The following CCDC7 variants were observed in gnomAD, a reference collection of about 807,000 sequenced individuals.
CCDC7 encodes coiled-coil domain containing 7, also known as coiled-coil domain-containing protein 7.
Under a neutral mutation model 196.9 loss-of-function variants are expected in CCDC7, and 183 were observed. The ratio of observed to expected loss-of-function variants is 0.93; its 90% CI spans 0.82 to 1.05. The LOEUF is 1.05. CCDC7 is among the 50% of genes least tolerant of loss of function. The pLI is 0.00. For synonymous variants in CCDC7, 525 were observed against 484.6 expected (o/e 1.08, Z -1.10); for missense variants, 1,540 against 1,482.2 (o/e 1.04, Z -0.64).
At chr10:32,594,552 G>A (rs1291293084) in intron 18 of CCDC7, among the ~76,000 whole-genome samples, 5 of 152,060 alleles carry the variant, frequency 3.3e-5, no homozygotes, top group African/African-American at 4.8e-5. Flanking sequence ...TCTTTCTCTT[G>A]CCTGATTGCC....
chr10:32,505,810 G>C (rs1444138671), intron 9 of CCDC7, among the ~76,000 whole-genome samples: 1 of 146,766 alleles, frequency 6.8e-6, no homozygotes, highest in African/African-American at 2.5e-5. Context: ...ATGGGTGGCT[G>C]GGCAGAGGCT....
intron 33 of CCDC7, among the ~76,000 whole-genome samples, chr10:32,844,473 C>T (rs1050355433): frequency 7.9e-5 from 12 of 151,806 alleles, no homozygotes; most frequent in African/African-American, 2.9e-4. Context: ...AAGTACTTTG[C>T]CCCACATAAC....
intron 29 of CCDC7, among the ~76,000 whole-genome samples, chr10:32,783,130 AG>A (rs749396549): frequency 2.0e-5 from 3 of 152,240 alleles, no homozygotes; most frequent in Non-Finnish European, 4.4e-5. Flanking sequence ...TGACTCCCAA[AG>A]CACAGACAAC....
rs1260943404 is a variant in CCDC7 at position 32,472,767 on chromosome 10, T to G, written c.739+225T>G. Among the ~76,000 whole-genome samples, 3 of 151,964 alleles carry G rather than the reference T, an allele frequency of 2.0e-5. No homozygotes were observed. The East Asian group carries it at 5.8e-4, about 29-fold the overall frequency. On this transcript the variant is annotated intron_variant, in intron 7 of 41. Transcript: ENST00000639629. ...CAGGCCACTGAGGCCAGCTGATTTT[T>G]TTTTTTTTGTACAGATGGAGGTCTC... is the stretch of plus-strand genomic sequence containing the variant.
intron 29 of CCDC7, among the ~76,000 whole-genome samples, chr10:32,784,914 CT>C (rs763047686): frequency 2.2e-4 from 33 of 150,940 alleles, no homozygotes; most frequent in Non-Finnish European, 4.0e-4. Context: ...AGGCAAGAGG[CT>C]TGCTTGAACC....
Position 32,824,498 on chromosome 10 carries a change from A to G in CCDC7, c.3182-20A>G, listed in dbSNP as rs1369116206. Reference sequence around the variant, plus strand: ...ATTTACATTAAAAAAGTGTTTTGAAATCTGTTTACTTTTTTATAGAGACTG... The same window carrying G: ...ATTTACATTAAAAAAGTGTTTTGAAGTCTGTTTACTTTTTTATAGAGACTG... On this transcript the variant is annotated intron_variant, in intron 31 of 41. Transcript: ENST00000639629. The G allele has an allele frequency of 5.2e-6, 8 of 1,535,814 alleles. No homozygotes were observed. The East Asian group carries it at 6.8e-5, about 13-fold the overall frequency.
At chr10:32,837,762 A>C (rs866339452) in intron 33 of CCDC7, among the ~76,000 whole-genome samples, 13 of 152,040 alleles carry the variant, frequency 8.6e-5, no homozygotes, top group Non-Finnish European at 1.8e-4. Context: ...ATGATGAGCT[A>C]ATGTCCTTTG....
chr10:32,766,644 C>T (rs932102091), intron 28 of CCDC7, among the ~76,000 whole-genome samples: 1 of 152,006 alleles, frequency 6.6e-6, no homozygotes, highest in Admixed American at 6.6e-5. Context: ...CCATGGACCA[C>T]CAAGTTGCCA....
chr10:32,640,887 T>G (rs1197103843), intron 20 of CCDC7, among the ~76,000 whole-genome samples: 1 of 137,446 alleles, frequency 7.3e-6, no homozygotes, highest in Non-Finnish European at 1.6e-5. Context: ...TTTTTTTTTT[T>G]ATTATACTCT....
At chr10:32,808,709 A>C (rs2086396510) in intron 30 of CCDC7, among the ~76,000 whole-genome samples, 1 of 152,156 alleles carries the variant, frequency 6.6e-6, no homozygotes, top group Non-Finnish European at 1.5e-5. Flanking sequence ...AATGAGGCCA[A>C]GGACTGATTC....
intron 23 of CCDC7, among the ~76,000 whole-genome samples, chr10:32,693,380 C>G (rs1188188772): frequency 6.6e-6 from 1 of 152,040 alleles, no homozygotes; most frequent in Non-Finnish European, 1.5e-5. Flanking sequence ...AGATAACTAT[C>G]TCTCTATTTC....
At chr10:32,555,782 C>T (rs1234896462) in intron 13 of CCDC7, among the ~76,000 whole-genome samples, 3 of 152,134 alleles carry the variant, frequency 2.0e-5, no homozygotes, top group Non-Finnish European at 2.9e-5. Context: ...TATTCCAAAA[C>T]GTAGTAACTT....
intron 18 of CCDC7, among the ~76,000 whole-genome samples, chr10:32,633,845 A>G (rs1164382743): frequency 6.6e-6 from 1 of 151,456 alleles, no homozygotes; most frequent in Non-Finnish European, 1.5e-5. Flanking sequence ...TTCCTCCTGT[A>G]TCTCTTCCCT....
At chr10:32,720,104 G>A (rs1211676345) in intron 25 of CCDC7, among the ~76,000 whole-genome samples, 1 of 152,116 alleles carries the variant, frequency 6.6e-6, no homozygotes, top group Admixed American at 6.5e-5. Context: ...TATGTTTATT[G>A]CAGCACTATT....
intron 28 of CCDC7, among the ~76,000 whole-genome samples, chr10:32,756,645 A>G (rs1433182247): frequency 6.6e-6 from 1 of 152,254 alleles, no homozygotes; most frequent in Non-Finnish European, 1.5e-5. Context: ...CCACTGGAAA[A>G]ACATGCCAAA....
At chr10:32,824,569 C>T (rs886817798) in exon 32 of CCDC7, 1 of 1,611,654 alleles carries the variant, frequency 6.2e-7, no homozygotes, top group Non-Finnish European at 8.5e-7. Context: ...ATAAATGATG[C>T]AATTAAGACG....
At position 32,726,840 on chromosome 10, in the gene CCDC7, T is replaced by C; in HGVS notation, c.2668+8T>C. On this transcript the variant is annotated splice_region_variant and intron_variant, in intron 26 of 41. Transcript: ENST00000639629. The stretch of plus-strand genomic sequence containing the variant: ...GAAGGGAAAGGCGTAATAGTAAGTG[T>C]AGTAATTATAGATGACTTTAAATTA... 1.4e-6 allele frequency: 2 copies of C among 1,473,370 alleles called. No individual in the cohort carries two copies. Among genetic ancestry groups the C allele is most frequent in the African/African-American group, 2.8e-5 (2 of 70,886 alleles). 91.3% of individuals were successfully genotyped at this position (1,473,370 alleles called of 1,614,324 possible).
At chr10:32,828,485 GGAAGAAGAAGAAGAAGAAGAAGAA>G (rs68150303) in intron 32 of CCDC7, among the ~76,000 whole-genome samples, 172 of 49,696 alleles carry the variant, frequency 3.5e-3, no homozygotes, top group East Asian at 5.1e-3. Flanking sequence ...AAGAGGAAGA[GGAAGAAGAAGAAGAAGAAGAAGAA>G]GAAGAAGAAG....
rs146665072 is a variant in CCDC7 at position 32,588,089 on chromosome 10, G to A, written c.1801+3785G>A. On this transcript the variant is annotated intron_variant, in intron 18 of 41. Coordinates refer to ENST00000639629, the Ensembl canonical transcript of CCDC7. ...CTTGTGAGCTTCTTCGCCATGTGAT[G>A]CCCAGAACAGCCTCAGCACTCTGCA... 5.9e-3 allele frequency among the ~76,000 whole-genome samples: 900 copies of A among 152,278 alleles called. 9 individuals carry two copies. The highest frequency in any genetic ancestry group is 0.021 in the African/African-American group (859 of 41,560).
Sources: gnomAD v4.1 joint callset for allele counts (sites outside exome capture counted in the v4.1 genomes callset) on GRCh38, gnomAD v4.1.1 for gene constraint, MANE v1.5 for transcripts, NCBI Gene and HGNC (gene_info 2026-07-23, HGNC 2026-07-21) for gene names.